Variants in KDM2B observed in about 807,000 individuals in gnomAD.
KDM2B encodes lysine demethylase 2B.
Under a neutral mutation model 150.0 loss-of-function variants are expected in KDM2B, and 26 were observed. That is an observed-to-expected ratio of 0.17 (90% CI 0.13 to 0.24). KDM2B has a LOEUF of 0.24. Among genes scored for constraint, KDM2B ranks in the 10% least tolerant of loss-of-function variants. The probability of loss-of-function intolerance (pLI) is 1.00; values close to 1 mark genes in which losing one functional copy is unlikely to be tolerated. For synonymous variants in KDM2B, 734 were observed against 729.5 expected (o/e 1.01, Z -0.10); for missense variants, 1,265 against 1,816.9 (o/e 0.70, Z 5.52).
chr12:121,461,108 G>A (rs377193117), intron 12 of KDM2B, among the ~76,000 whole-genome samples: 8 of 152,146 alleles, frequency 5.3e-5, no homozygotes, highest in African/African-American at 9.7e-5. Flanking sequence ...TGGAAAAAGC[G>A]CCCCAGAACA....
At chr12:121,434,223 A>G (rs1353477723) in intron 22 of KDM2B, among the ~76,000 whole-genome samples, 1 of 152,062 alleles carries the variant, frequency 6.6e-6, no homozygotes. Context: ...AAGGATAGAC[A>G]TATAGACCAA....
intron 12 of KDM2B, among the ~76,000 whole-genome samples, chr12:121,455,736 A>G (rs919818280): frequency 1.3e-5 from 2 of 152,158 alleles, no homozygotes; most frequent in African/African-American, 2.4e-5. Context: ...CCATCCTTAC[A>G]ATGAGGGCCG....
At chr12:121,573,602 TGAGACGGAG>T (rs1891280087) in intron 4 of KDM2B, among the ~76,000 whole-genome samples, 1 of 138,876 alleles carries the variant, frequency 7.2e-6, no homozygotes. Flanking sequence ...TTTTTTTTTT[TGAGACGGAG>T]TCTCGCTCTG....
chr12:121,432,745 G>A (rs1873273401), intron 22 of KDM2B, among the ~76,000 whole-genome samples: 1 of 152,204 alleles, frequency 6.6e-6, no homozygotes, highest in South Asian at 2.1e-4. Flanking sequence ...CCAGAGCACT[G>A]TCTAGCTCAT....
intron 12 of KDM2B, among the ~76,000 whole-genome samples, chr12:121,466,273 C>A (rs1282485806): frequency 2.0e-5 from 3 of 152,186 alleles, no homozygotes; most frequent in Admixed American, 2.0e-4. Flanking sequence ...TTCTTAATTC[C>A]TCGGACAGGT....
intron 8 of KDM2B, among the ~76,000 whole-genome samples, chr12:121,529,481 C>A (rs566022889): frequency 2.4e-4 from 37 of 152,286 alleles, no homozygotes; most frequent in South Asian, 1.9e-3. Flanking sequence ...TACAGAAAAA[C>A]TCCCATCCAG....
chr12:121,520,873 G>A lies in KDM2B; in HGVS notation c.1047+112C>T, dbSNP rs191865414. The A allele has an allele frequency of 4.2e-5, 28 of 662,642 alleles. No homozygotes were observed. The highest frequency in any genetic ancestry group is 6.5e-5 in the Non-Finnish European group (25 of 382,976). 41.0% of individuals were successfully genotyped at this position (662,642 alleles called of 1,614,324 possible). On this transcript the variant is annotated intron_variant, in intron 9 of 22. Transcript: ENST00000377071. This position sits in a 1 kb window ranked among gnomAD's most constrained non-coding sequence, Gnocchi z 4.5. ...CTGAAGCCAGCTTGAGAGAGGAATCGGGAGGGAGAGGGGAACTGTGGAGGA... is the reference window on the plus strand; with the variant it reads ...CTGAAGCCAGCTTGAGAGAGGAATCAGGAGGGAGAGGGGAACTGTGGAGGA...
intron 4 of KDM2B, among the ~76,000 whole-genome samples, chr12:121,550,902 T>C (rs1247190237): frequency 6.6e-6 from 1 of 152,144 alleles, no homozygotes; most frequent in Non-Finnish European, 1.5e-5. Context: ...ATGAAAACTA[T>C]ATGAAACCCA....
chr12:121,579,563 G>T, intron 1 of KDM2B: 4 of 1,294,672 alleles, frequency 3.1e-6, no homozygotes, highest in Non-Finnish European at 4.0e-6. Flanking sequence ...GGAAGGGGGA[G>T]AGGCAGACGG....
chr12:121,451,913 GAAAA>G (rs549982500), intron 13 of KDM2B, among the ~76,000 whole-genome samples: 1 of 141,124 alleles, frequency 7.1e-6, no homozygotes, highest in Non-Finnish European at 1.5e-5. Flanking sequence ...CTCCATCTCA[GAAAA>G]AAAAAAGAAA....
downstream of KDM2B, among the ~76,000 whole-genome samples, chr12:121,428,536 C>T (rs537891754): frequency 5.3e-5 from 8 of 152,254 alleles, no homozygotes; most frequent in South Asian, 4.2e-4. Context: ...AAAACTCAGC[C>T]ATCAGCAAGA....
chr12:121,487,816 CAG>C (rs1298443663), intron 12 of KDM2B, among the ~76,000 whole-genome samples: 3 of 143,424 alleles, frequency 2.1e-5, no homozygotes, highest in Non-Finnish European at 4.6e-5. Flanking sequence ...TTTTTTGAGA[CAG>C]GGTCTTGCCC....
chr12:121,452,361 G>C lies in KDM2B; in HGVS notation c.1959+759C>G, dbSNP rs1275335649. Among the ~76,000 whole-genome samples the C allele has an allele frequency of 6.6e-6, 1 of 152,200 alleles. No individual in the cohort carries two copies. ...AGATGGCTGAGGTGTCTGGGCCTGC[G>C]GGGCATCGACAGCCAAGGAGGAAGG... On this transcript the variant is annotated intron_variant, in intron 13 of 22. Transcript: ENST00000377071. This position sits in a 1 kb window ranked among gnomAD's most constrained non-coding sequence, Gnocchi z 4.4.
rs555826159 is a variant in KDM2B, at chr12:121,579,561, G to A, written c.127-615C>T. ...GAGGAGAATCGGGGCTTGGAAGGGG[G>A]AGAGGCAGACGGCCCGCCACAAAGC... On this transcript the variant is annotated intron_variant, in intron 1 of 22. Coordinates refer to ENST00000377071, the MANE Select transcript of KDM2B (RefSeq NM_032590.5). The A allele has an allele frequency of 8.7e-4, 1,121 of 1,295,138 alleles. 10 individuals are homozygous for A. The highest frequency in any genetic ancestry group is 8.4e-3 in the South Asian group (683 of 81,088). 80.2% of individuals were successfully genotyped at this position (1,295,138 alleles called of 1,614,324 possible).
At chr12:121,580,716 C>G (rs1313019436) in intron 1 of KDM2B, 70 bp downstream of exon 1, 5 of 1,530,582 alleles carry the variant, frequency 3.3e-6, no homozygotes, top group Non-Finnish European at 4.4e-6. Context: ...CCCCCCACCT[C>G]CGTTCCTGCC....
intron 6 of KDM2B, among the ~76,000 whole-genome samples, chr12:121,547,282 T>C (rs1555310846): frequency 6.6e-6 from 1 of 152,150 alleles, no homozygotes; most frequent in Non-Finnish European, 1.5e-5. Flanking sequence ...TCGAGCCCAG[T>C]CTCTGCCTTT....
At position 121,443,801 on chromosome 12, in the gene KDM2B, G is replaced by A. The variant is rs782671341; in HGVS notation, c.2452-8C>T. The A allele has an allele frequency of 2.6e-6, 4 of 1,532,332 alleles. No homozygotes were observed. Among genetic ancestry groups the A allele is most frequent in the African/African-American group, 1.4e-5 (1 of 73,616 alleles). The allele number at this position is 1,532,332 out of a possible 1,614,324, so 94.9% of individuals were successfully genotyped here. A position where few individuals can be genotyped will look rare whatever the true frequency, so the allele number is the denominator to read the frequency against. On this transcript the variant is annotated splice_region_variant and splice_polypyrimidine_tract_variant and intron_variant, in intron 16 of 22. Coordinates refer to ENST00000377071, the MANE Select transcript of KDM2B (RefSeq NM_032590.5). ...CGTTTGAAGCGATGAGGCCTAAAGG[G>A]GGGTGGAGTGGGAAGAGGAGTGACT...
chr12:121,500,511 C>T (rs1884436551), intron 11 of KDM2B, among the ~76,000 whole-genome samples: 1 of 152,238 alleles, frequency 6.6e-6, no homozygotes, highest in African/African-American at 2.4e-5. Flanking sequence ...GGTCCCACTG[C>T]TTCCTAGGCT....
intron 4 of KDM2B, among the ~76,000 whole-genome samples, chr12:121,567,706 C>CTTT (rs1180847689): frequency 7.3e-4 from 88 of 120,902 alleles, no homozygotes; most frequent in African/African-American, 1.3e-3. Context: ...AAATACATTT[C>CTTT]TTTTTTTTTT....
Sources: gnomAD v4.1 joint callset for allele counts (sites outside exome capture counted in the v4.1 genomes callset) on GRCh38, gnomAD v4.1.1 for gene constraint, Gnocchi (gnomAD v3.1) non-coding constraint, MANE v1.5 for transcripts, NCBI Gene and HGNC (gene_info 2026-07-23, HGNC 2026-07-21) for gene names.